FOXN3: variants seen among roughly 807,000 people sequenced by gnomAD.
The protein encoded by FOXN3 is forkhead box N3, also known as forkhead box protein N3.
In FOXN3, 7 loss-of-function variants were observed where a neutral mutation model predicts 38.4. The observed-to-expected ratio is 0.18, with a 90% CI of 0.10 to 0.34. The LOEUF is 0.34. Ranked by LOEUF, FOXN3 falls within the 10% of genes least tolerant of loss-of-function variation. The pLI, the probability that FOXN3 is intolerant of heterozygous loss-of-function variation, is 1.00. For synonymous variants in FOXN3, 230 were observed against 242.2 expected, an observed-to-expected ratio of 0.95 and a Z score of 0.47; for missense variants, 456 against 613.4, an observed-to-expected ratio of 0.74 and a Z score of 2.71.
chr14:89,306,635 G>T (rs1211028793), intron 3 of FOXN3, among the ~76,000 whole-genome samples: 1 of 152,140 alleles, frequency 6.6e-6, no homozygotes, highest in African/African-American at 2.4e-5. Flanking sequence ...CCAAAGTGCT[G>T]GGATTACAGG....
chr14:89,506,488 T>G (rs561312831), intron 1 of FOXN3, among the ~76,000 whole-genome samples: 2 of 141,766 alleles, frequency 1.4e-5, no homozygotes, highest in South Asian at 2.3e-4. Context: ...AGCCGCCCCG[T>G]CCGGGAGGGA....
At chr14:89,544,745 G>A (rs369698254) in intron 1 of FOXN3, among the ~76,000 whole-genome samples, 1 of 152,098 alleles carries the variant, frequency 6.6e-6, no homozygotes, top group Admixed American at 6.5e-5. Context: ...CCATCTAACG[G>A]AGACAGCTAC....
chr14:89,610,036 T>C (rs527329007), intron 1 of FOXN3, among the ~76,000 whole-genome samples: 1 of 152,296 alleles, frequency 6.6e-6, no homozygotes, highest in East Asian at 1.9e-4. Flanking sequence ...ACTCCTCTTG[T>C]TCCCATTTTT....
At chr14:89,603,191 CT>C (rs1309853767) in intron 1 of FOXN3, among the ~76,000 whole-genome samples, 2 of 152,162 alleles carry the variant, frequency 1.3e-5, no homozygotes, top group Non-Finnish European at 2.9e-5. Context: ...CCTCCACATG[CT>C]TTTCCTTTTT....
intron 1 of FOXN3, among the ~76,000 whole-genome samples, chr14:89,593,094 G>A (rs1256141588): frequency 1.5e-5 from 2 of 134,692 alleles, no homozygotes; most frequent in African/African-American, 5.6e-5. Flanking sequence ...GGAAGGAGGA[G>A]GAAGGAAAGA....
chr14:89,546,467 C>T (rs1470269628), intron 1 of FOXN3, among the ~76,000 whole-genome samples: 1 of 148,280 alleles, frequency 6.7e-6, no homozygotes, highest in Non-Finnish European at 1.5e-5. Context: ...GTAGCTGGGA[C>T]TACAGGCGCC....
intron 1 of FOXN3, among the ~76,000 whole-genome samples, chr14:89,515,703 TCCA>T (rs984272744): frequency 6.6e-6 from 1 of 152,074 alleles, no homozygotes; most frequent in Non-Finnish European, 1.5e-5. Flanking sequence ...GCCACTGTAC[TCCA>T]GCCTGGAAGA....
intron 2 of FOXN3, among the ~76,000 whole-genome samples, chr14:89,389,306 CAAAAA>C (rs35345814): frequency 1.4e-5 from 2 of 146,702 alleles, no homozygotes; most frequent in African/African-American, 5.0e-5. Context: ...GTACTTAAAA[CAAAAA>C]AAAAAGAAAG....
At chr14:89,376,704 C>T (rs1026410217) in intron 2 of FOXN3, among the ~76,000 whole-genome samples, 2 of 152,000 alleles carry the variant, frequency 1.3e-5, no homozygotes, top group Non-Finnish European at 2.9e-5. Flanking sequence ...CCCAGCATTG[C>T]CTGGCAATTG....
intron 3 of FOXN3, among the ~76,000 whole-genome samples, chr14:89,335,610 A>G (rs1191170117): frequency 3.9e-5 from 6 of 152,262 alleles, no homozygotes; most frequent in Non-Finnish European, 8.8e-5. Context: ...GTTCCTTAAC[A>G]AAATAAAATT....
At chr14:89,303,418 T>C (rs934637034) in intron 3 of FOXN3, among the ~76,000 whole-genome samples, 5 of 151,300 alleles carry the variant, frequency 3.3e-5, no homozygotes, top group East Asian at 1.9e-4. Context: ...GACTGTGAGC[T>C]CTCTGAAGAC....
chr14:89,602,061 T>C (rs548937172), intron 1 of FOXN3, among the ~76,000 whole-genome samples: 74 of 152,254 alleles, frequency 4.9e-4, no homozygotes, highest in African/African-American at 1.7e-3. Context: ...CACATTTTTA[T>C]TTTGGCAACT....
Position 89,592,458 on chromosome 14 carries a change from G to A in FOXN3, c.-15+26570C>T, listed in dbSNP as rs141921627. On this transcript the variant is annotated intron_variant, in intron 1 of 6. Transcript: ENST00000345097. ...CTGTAGTATCATGAAATCTCACACC[G>A]GGGATAAAATTAAAATTCTAAAAGC... is the stretch of plus-strand genomic sequence containing the variant. Among the ~76,000 whole-genome samples the A allele has an allele frequency of 8.1e-3, 1,229 of 151,486 alleles. 21 individuals are homozygous for A. The highest frequency in any genetic ancestry group is 0.028 in the African/African-American group (1,140 of 40,924).
intron 4 of FOXN3, among the ~76,000 whole-genome samples, chr14:89,199,738 A>G (rs1888187843): frequency 1.3e-5 from 2 of 152,148 alleles, no homozygotes; most frequent in South Asian, 2.1e-4. Flanking sequence ...TCCCATCTCT[A>G]CTAAAAATTC....
intron 1 of FOXN3, among the ~76,000 whole-genome samples, chr14:89,609,304 T>A (rs1328610970): frequency 6.6e-6 from 1 of 152,022 alleles, no homozygotes; most frequent in East Asian, 1.9e-4. Flanking sequence ...CAAGCTCAAG[T>A]AATCCTCCCA....
At chr14:89,387,659 C>CAG (rs143651941) in intron 2 of FOXN3, among the ~76,000 whole-genome samples, 13 of 151,322 alleles carry the variant, frequency 8.6e-5, no homozygotes, top group Non-Finnish European at 1.0e-4. Context: ...TGCCAAGGGC[C>CAG]AGAGAGAGAG....
chr14:89,389,479 C>T (rs1362540121), intron 2 of FOXN3, among the ~76,000 whole-genome samples: 1 of 152,178 alleles, frequency 6.6e-6, no homozygotes, highest in Admixed American at 6.5e-5. Context: ...AATTGATTTC[C>T]CTCTTTCTCA....
chr14:89,374,571 A>C (rs1051295061), intron 2 of FOXN3, among the ~76,000 whole-genome samples: 1 of 152,224 alleles, frequency 6.6e-6, no homozygotes, highest in African/African-American at 2.4e-5. Context: ...TATGTTCATA[A>C]AATGGAATAC....
intron 4 of FOXN3, among the ~76,000 whole-genome samples, chr14:89,214,253 G>A (rs12884686): frequency 0.28 from 42,961 of 152,034 alleles, 6,597 homozygotes; most frequent in Middle Eastern, 0.37. Context: ...TGTGAAGCAA[G>A]CTCCGTCATC....
Sources: allele counts gnomAD v4.1 joint callset (sites outside exome capture counted in the v4.1 genomes callset), GRCh38; gene constraint gnomAD v4.1.1; transcripts MANE v1.5; gene names NCBI Gene and HGNC (gene_info 2026-07-23, HGNC 2026-07-21).